ADAM22: variants seen among roughly 807,000 people sequenced by gnomAD.
ADAM22 encodes the protein disintegrin and metalloproteinase domain-containing protein 22.
Under a neutral mutation model 144.6 loss-of-function variants are expected in ADAM22, and 65 were observed. The observed-to-expected ratio is 0.45, with a 90% CI of 0.37 to 0.55. The LOEUF is 0.55. Ranked by LOEUF, ADAM22 falls within the 20% of genes least tolerant of loss-of-function variation. The pLI, the probability that ADAM22 is intolerant of heterozygous loss-of-function variation, is 0.00. For missense variants in ADAM22, 974 were observed against 1,184.9 expected (o/e 0.82, Z 2.61); for synonymous variants, 391 against 412.6 (o/e 0.95, Z 0.63).
At chr7:87,983,062 A>G (rs543298494) in intron 3 of ADAM22, among the ~76,000 whole-genome samples, 3 of 152,084 alleles carry the variant, frequency 2.0e-5, no homozygotes, top group Non-Finnish European at 4.4e-5. Flanking sequence ...TTTAGGGCTT[A>G]GTACCATCAT....
At chr7:88,097,058 T>C (rs1821517013) in intron 4 of ADAM22, among the ~76,000 whole-genome samples, 1 of 151,958 alleles carries the variant, frequency 6.6e-6, no homozygotes, top group South Asian at 2.1e-4. Context: ...AATGCTAGTA[T>C]TAACTGCTTG....
At chr7:87,969,803 G>T (rs1849996032) in intron 2 of ADAM22, among the ~76,000 whole-genome samples, 1 of 152,112 alleles carries the variant, frequency 6.6e-6, no homozygotes. Flanking sequence ...TCTACTTCTT[G>T]TAATACTAAA....
At chr7:87,947,961 T>C (rs1844119558) in intron 2 of ADAM22, among the ~76,000 whole-genome samples, 1 of 152,190 alleles carries the variant, frequency 6.6e-6, no homozygotes. Context: ...CCATGACTTA[T>C]AGAGGGCCCT....
intron 3 of ADAM22, among the ~76,000 whole-genome samples, chr7:88,025,957 A>G (rs934650979): frequency 6.6e-6 from 1 of 152,164 alleles, no homozygotes; most frequent in African/African-American, 2.4e-5. Flanking sequence ...TGCTTTGGGT[A>G]TTATGGTCAT....
rs1840636422 is a variant in ADAM22, at chr7:87,934,299, G to T, written c.-167G>T. On this transcript the variant is annotated 5_prime_UTR_variant, in exon 1 of 32. Coordinates refer to ENST00000413139, the MANE Select transcript of ADAM22 (RefSeq NM_001324418.2). ...GGAAGCGTCCGCGAAGCACAATGCA[G>T]CACTGAGCCGCGGTGGAGGTTGCAG... 2 of 596,882 alleles carry T rather than the reference G, an allele frequency of 3.4e-6. No homozygotes were observed. The highest frequency in any genetic ancestry group is 4.5e-4 in the Middle Eastern group (1 of 2,202). 37.0% of individuals were successfully genotyped at this position (596,882 alleles called of 1,614,324 possible).
intron 2 of ADAM22, among the ~76,000 whole-genome samples, chr7:87,943,931 A>G (rs778312167): frequency 9.3e-5 from 14 of 150,242 alleles, no homozygotes; most frequent in Non-Finnish European, 1.9e-4. Context: ...TGTCTCAAGT[A>G]AAGATTGTTA....
At chr7:88,001,283 T>C (rs575663669) in intron 3 of ADAM22, among the ~76,000 whole-genome samples, 1 of 152,346 alleles carries the variant, frequency 6.6e-6, no homozygotes, top group East Asian at 1.9e-4. Flanking sequence ...GTGAAATTCA[T>C]TTATATGTAC....
At chr7:88,039,464 A>AAAAAAAAAAAAAAAAAAAAAT in intron 3 of ADAM22, among the ~76,000 whole-genome samples, 15 of 76,394 alleles carry the variant, frequency 2.0e-4, no homozygotes, top group South Asian at 5.7e-4. Flanking sequence ...AAAAAAAAAA[A>AAAAAAAAAAAAAAAAAAAAAT]ATATATATAT....
At chr7:88,138,346 A>G (rs1689186418) in intron 14 of ADAM22, among the ~76,000 whole-genome samples, 1 of 152,232 alleles carries the variant, frequency 6.6e-6, no homozygotes, top group South Asian at 2.1e-4. Flanking sequence ...GATAATCTGC[A>G]TAGCACTAAG....
chr7:88,083,272 G>C (rs1470972188), intron 4 of ADAM22, among the ~76,000 whole-genome samples: 1 of 152,042 alleles, frequency 6.6e-6, no homozygotes, highest in Non-Finnish European at 1.5e-5. Flanking sequence ...CTCACTCATA[G>C]GTGAGAATTG....
intron 3 of ADAM22, among the ~76,000 whole-genome samples, chr7:88,025,956 T>A (rs1299732880): frequency 6.6e-6 from 1 of 152,200 alleles, no homozygotes; most frequent in Non-Finnish European, 1.5e-5. Context: ...TTGCTTTGGG[T>A]ATTATGGTCA....
chr7:87,959,400 A>T (rs1302756926), intron 2 of ADAM22, among the ~76,000 whole-genome samples: 1 of 152,092 alleles, frequency 6.6e-6, no homozygotes, highest in Non-Finnish European at 1.5e-5. Context: ...TATAATTATC[A>T]TTTCTTGGTA....
chr7:88,059,301 A>G (rs145265394), intron 3 of ADAM22, among the ~76,000 whole-genome samples: 87 of 152,358 alleles, frequency 5.7e-4, no homozygotes, highest in African/African-American at 2.1e-3. Flanking sequence ...ACTGTCAACA[A>G]CAATGGAGAG....
At chr7:87,979,988 TCAAA>T (rs774014898) in intron 3 of ADAM22, among the ~76,000 whole-genome samples, 15 of 152,304 alleles carry the variant, frequency 9.8e-5, no homozygotes, top group South Asian at 2.1e-4. Flanking sequence ...CTTTTAATAC[TCAAA>T]CAAAGAAGGG....
chr7:88,142,682 C>CA (rs1334616076), intron 14 of ADAM22, among the ~76,000 whole-genome samples: 1 of 151,568 alleles, frequency 6.6e-6, no homozygotes, highest in East Asian at 1.9e-4. Context: ...ACTAAAAATA[C>CA]AAAAAATTAG....
At chr7:87,960,943 T>TA (rs999251641) in intron 2 of ADAM22, among the ~76,000 whole-genome samples, 4 of 151,988 alleles carry the variant, frequency 2.6e-5, no homozygotes, top group Non-Finnish European at 5.9e-5. Context: ...CAGTGAATAA[T>TA]AAAAAAAATT....
At chr7:87,950,030 T>C (rs1172687788) in intron 2 of ADAM22, among the ~76,000 whole-genome samples, 4 of 152,002 alleles carry the variant, frequency 2.6e-5, no homozygotes, top group African/African-American at 9.7e-5. Flanking sequence ...TATACTAGTT[T>C]AAATCAGAAA....
intron 6 of ADAM22, 112 bp from the exon 7 acceptor site, chr7:88,116,633 G>T (rs1827830333): frequency 1.2e-6 from 1 of 806,964 alleles, no homozygotes; most frequent in Non-Finnish European, 2.1e-6. Flanking sequence ...TCTAAACCCA[G>T]GAGAATGCAT....
At chr7:88,134,102 T>C (rs1004073336) in intron 12 of ADAM22, among the ~76,000 whole-genome samples, 1 of 152,236 alleles carries the variant, frequency 6.6e-6, no homozygotes, top group Non-Finnish European at 1.5e-5. Flanking sequence ...GCTGTGATTA[T>C]TTCCTGACTT....
Sources: gnomAD v4.1 joint callset for allele counts (sites outside exome capture counted in the v4.1 genomes callset) on GRCh38, gnomAD v4.1.1 for gene constraint, MANE v1.5 for transcripts, NCBI Gene and HGNC (gene_info 2026-07-23, HGNC 2026-07-21) for gene names.